EFR3B: variants seen among roughly 807,000 people sequenced by gnomAD.
EFR3B encodes protein EFR3 homolog B.
In EFR3B, 64 loss-of-function variants were observed where a neutral mutation model predicts 104.7. The ratio of observed to expected loss-of-function variants is 0.61; its 90% CI spans 0.50 to 0.75. The LOEUF (loss-of-function observed/expected upper bound fraction) is 0.75. Among genes scored for constraint, EFR3B ranks in the 30% least tolerant of loss-of-function variants. The pLI is 0.00. For synonymous variants in EFR3B, 385 were observed against 417.9 expected (o/e 0.92, Z 0.96); for missense variants, 750 against 1,078.5 (o/e 0.70, Z 4.27).
chr2:25,124,313 T>C (rs1280073668), intron 5 of EFR3B, among the ~76,000 whole-genome samples: 1 of 145,846 alleles, frequency 6.9e-6, no homozygotes, highest in Non-Finnish European at 1.5e-5. Context: ...TGTGTGTGTG[T>C]GTGTGTGTGT....
intron 1 of EFR3B, among the ~76,000 whole-genome samples, chr2:25,055,221 C>G (rs1333398332): frequency 1.3e-5 from 2 of 152,222 alleles, no homozygotes; most frequent in Non-Finnish European, 2.9e-5. Flanking sequence ...CATTAAAACA[C>G]CACTTTGTGC....
At chr2:25,086,885 G>A (rs1037617574) in intron 1 of EFR3B, among the ~76,000 whole-genome samples, 2 of 152,086 alleles carry the variant, frequency 1.3e-5, no homozygotes, top group African/African-American at 4.8e-5. Context: ...GAACCACCCC[G>A]TCTGGCCCCA....
intron 1 of EFR3B, among the ~76,000 whole-genome samples, chr2:25,051,020 G>A (rs11695038): frequency 2.6e-5 from 4 of 152,228 alleles, no homozygotes; most frequent in East Asian, 3.9e-4. Context: ...GATTCCCCTC[G>A]GTGAAATTGC....
chr2:25,128,707 C>T (rs975782125), intron 6 of EFR3B, among the ~76,000 whole-genome samples: 6 of 151,944 alleles, frequency 3.9e-5, no homozygotes, highest in Non-Finnish European at 8.8e-5. Context: ...GCCTGTAATC[C>T]CAGCACTTTG....
intron 3 of EFR3B, among the ~76,000 whole-genome samples, chr2:25,102,403 A>C (rs907959842): frequency 6.6e-6 from 1 of 152,194 alleles, no homozygotes; most frequent in Non-Finnish European, 1.5e-5. Flanking sequence ...TATAAAGAAA[A>C]GAGGTTTAAT....
At chr2:25,083,130 A>G (rs1434715110) in intron 1 of EFR3B, among the ~76,000 whole-genome samples, 1 of 152,220 alleles carries the variant, frequency 6.6e-6, no homozygotes, top group Non-Finnish European at 1.5e-5. Flanking sequence ...AATTGGCCAT[A>G]TCACGTTTCC....
chr2:25,094,482 G>A (rs903385026), intron 3 of EFR3B, among the ~76,000 whole-genome samples: 1 of 152,150 alleles, frequency 6.6e-6, no homozygotes, highest in Non-Finnish European at 1.5e-5. Context: ...GGAGAGGAGA[G>A]AGAGCTTGCC....
rs528063981 is a variant in EFR3B, at chr2:25,080,671, C to G, written c.8-10654C>G. On this transcript the variant is annotated intron_variant, in intron 1 of 22. Coordinates refer to ENST00000403714, the MANE Select transcript of EFR3B (RefSeq NM_014971.2). ...TAGACAGTCTGTATTTCCTTTCAGG[C>G]CAATGTAGTTGAGATCTGCCTTAGC... 612 of 685,230 alleles carry G rather than the reference C, an allele frequency of 8.9e-4. 10 individuals are homozygous for G. In the South Asian group the frequency reaches 0.011, roughly 12 times the overall value. The allele number at this position is 685,230 out of a possible 1,614,324, so 42.4% of individuals were successfully genotyped here.
Position 25,070,960 on chromosome 2 carries a change from T to C in EFR3B, c.8-20365T>C, listed in dbSNP as rs868782144. Among the ~76,000 whole-genome samples, 4 of 152,300 alleles carry C rather than the reference T, an allele frequency of 2.6e-5. No individual in the cohort carries two copies. The South Asian group carries it at 8.3e-4, about 32-fold the overall frequency. Reference sequence around the variant, plus strand: ...CACCACAGGTCAGGCTCAAGCTCTTTTCTTTTCTTTTCTTTTTTGAGACGG... The same window carrying C: ...CACCACAGGTCAGGCTCAAGCTCTTCTCTTTTCTTTTCTTTTTTGAGACGG... On this transcript the variant is annotated intron_variant, in intron 1 of 22. Transcript: ENST00000403714.
chr2:25,124,738 C>T (rs1346876237), intron 5 of EFR3B, among the ~76,000 whole-genome samples: 45 of 41,800 alleles, frequency 1.1e-3, no homozygotes, highest in Non-Finnish European at 1.3e-3. Flanking sequence ...GACTCTGTCT[C>T]AAAAAAAAAA....
intron 12 of EFR3B, among the ~76,000 whole-genome samples, chr2:25,134,236 G>A (rs541819982): frequency 9.3e-5 from 14 of 149,786 alleles, no homozygotes; most frequent in South Asian, 2.1e-4. Context: ...CTGGAGTGCA[G>A]TGGTGCGATC....
chr2:25,153,753 C>T lies in EFR3B; in HGVS notation c.2340C>T (p.Ile780=), dbSNP rs1325654643. ...GCAAACTCAATCAGATCTTTGAAAT[C>T]ACCATCCGGTAAGTGACAACCCTGG... is the stretch of plus-strand genomic sequence containing the variant. ...LQSKLNQIFE[I]TIRPPPSPSG... The change falls in exon 22 of 23, where the codon ATC becomes ATT. Residue 780 remains isoleucine (I), a synonymous_variant. Coordinates refer to ENST00000403714, the MANE Select transcript of EFR3B (RefSeq NM_014971.2). 9.0e-6 allele frequency: 14 copies of T among 1,551,616 alleles called. No individual in the cohort carries two copies. Among genetic ancestry groups the T allele is most frequent in the Non-Finnish European group, 1.1e-5 (13 of 1,147,016 alleles).
intron 13 of EFR3B, 149 bp downstream of exon 13, chr2:25,135,788 G>C: frequency 1.0e-6 from 1 of 1,003,312 alleles, no homozygotes; most frequent in East Asian, 2.6e-5. Flanking sequence ...CAGATACTCA[G>C]TGAGACTCAC....
chr2:25,137,253 C>G lies in EFR3B; in HGVS notation c.1561-88C>G. 1.4e-6 allele frequency: 2 copies of G among 1,445,296 alleles called. No individual in the cohort carries two copies. The highest frequency in any genetic ancestry group is 2.8e-5 in the African/African-American group (2 of 70,888). 89.5% of individuals were successfully genotyped at this position (1,445,296 alleles called of 1,614,324 possible). On this transcript the variant is annotated intron_variant, in intron 14 of 22. Transcript: ENST00000403714. The surrounding 1 kb of genome is among the most constrained non-coding windows in gnomAD (Gnocchi z 4.7). ...GAGGGGGCACACAGCCATCCTGCCC[C>G]CCTTCAGATTGGTCTTCCTCCGTGT...
chr2:25,149,192 A>T (rs1670934552), intron 19 of EFR3B, among the ~76,000 whole-genome samples: 1 of 151,444 alleles, frequency 6.6e-6, no homozygotes, highest in Admixed American at 6.6e-5. Context: ...TACTAAAAAT[A>T]TAAAAATTAG....
At chr2:25,097,916 G>C (rs1309885022) in intron 3 of EFR3B, among the ~76,000 whole-genome samples, 1 of 152,152 alleles carries the variant, frequency 6.6e-6, no homozygotes, top group African/African-American at 2.4e-5. Flanking sequence ...AGTACCTGGA[G>C]CTCTCACCCA....
At chr2:25,144,104 G>A (rs1236865048) in intron 18 of EFR3B, among the ~76,000 whole-genome samples, 2 of 152,220 alleles carry the variant, frequency 1.3e-5, no homozygotes, top group East Asian at 3.8e-4. Flanking sequence ...GATGGGAGAG[G>A]TTCCATTGTG....
At chr2:25,143,890 G>C in intron 18 of EFR3B, 28 bp downstream of exon 18, 2 of 1,547,078 alleles carry the variant, frequency 1.3e-6, no homozygotes, top group Non-Finnish European at 1.7e-6. Context: ...GGATGCCCGG[G>C]CCTGCCTCTG....
chr2:25,091,689 T>C (rs1196501340), intron 2 of EFR3B, among the ~76,000 whole-genome samples: 2 of 152,230 alleles, frequency 1.3e-5, no homozygotes, highest in Non-Finnish European at 2.9e-5. Context: ...ATCTTTCTCC[T>C]GCATGTCTCT....
Sources: gnomAD v4.1 joint callset for allele counts (sites outside exome capture counted in the v4.1 genomes callset) on GRCh38, gnomAD v4.1.1 for gene constraint, Gnocchi (gnomAD v3.1) non-coding constraint, MANE v1.5 for transcripts, NCBI Gene and HGNC (gene_info 2026-07-23, HGNC 2026-07-21) for gene names.